The following TRPS1 variants were observed in gnomAD, a reference collection of about 807,000 sequenced individuals.
TRPS1 encodes the protein zinc finger transcription factor Trps1.
In TRPS1, 6 loss-of-function variants were observed where a neutral mutation model predicts 101.2. The observed-to-expected ratio is 0.06, with a 90% CI of 0.03 to 0.12. The LOEUF (loss-of-function observed/expected upper bound fraction) is 0.12, where lower values mean the gene tolerates loss of function less well. TRPS1 is among the 10% of genes least tolerant of loss of function. The pLI is 1.00. For missense variants in TRPS1, 1,363 were observed against 1,567.0 expected (o/e 0.87, Z 2.20); for synonymous variants, 578 against 589.8 (o/e 0.98, Z 0.29).
In TRPS1 at chr8:115,476,785, C is replaced by T. The variant is rs570014864; in HGVS notation, c.2701-58333G>A. 2.6e-5 allele frequency among the ~76,000 whole-genome samples: 4 copies of T among 152,222 alleles called. No homozygotes were observed. The South Asian group carries it at 6.2e-4, about 24-fold the overall frequency. On this transcript the variant is annotated intron_variant, in intron 5 of 6. Transcript: ENST00000395715. ...AGGACCAACATGATCAAGCAAAAGA[C>T]AGAACCATAAAAATATTCAGAGCCA...
intron 5 of TRPS1, among the ~76,000 whole-genome samples, chr8:115,445,598 T>A (rs186410832): frequency 6.6e-6 from 1 of 152,296 alleles, no homozygotes; most frequent in Admixed American, 6.5e-5. Flanking sequence ...GGCAGGAAAC[T>A]ATGACTCTTA....
chr8:115,471,809 C>T (rs897908084), intron 5 of TRPS1, among the ~76,000 whole-genome samples: 6 of 152,164 alleles, frequency 3.9e-5, no homozygotes, highest in African/African-American at 1.4e-4. Context: ...CATGCAAGTC[C>T]GAAATCCACT....
At chr8:115,666,143 T>C (rs757145359) in intron 1 of TRPS1, among the ~76,000 whole-genome samples, 8 of 152,176 alleles carry the variant, frequency 5.3e-5, no homozygotes, top group Non-Finnish European at 1.2e-4. Context: ...TAGCCCTGTA[T>C]ATTGAACTGA....
intron 5 of TRPS1, among the ~76,000 whole-genome samples, chr8:115,474,265 A>G (rs560037578): frequency 6.6e-6 from 1 of 152,116 alleles, no homozygotes; most frequent in African/African-American, 2.4e-5. Context: ...ATATTTACTG[A>G]TAATTGTTCA....
intron 5 of TRPS1, among the ~76,000 whole-genome samples, chr8:115,572,410 AG>A (rs1817225445): frequency 6.6e-6 from 1 of 151,920 alleles, no homozygotes; most frequent in Non-Finnish European, 1.5e-5. Context: ...TTAATTGAGA[AG>A]GGGTCATTTC....
chr8:115,612,588 G>A (rs892778248), intron 3 of TRPS1, among the ~76,000 whole-genome samples: 3 of 152,128 alleles, frequency 2.0e-5, no homozygotes, highest in Non-Finnish European at 2.9e-5. Context: ...ATTCCAAGGT[G>A]GAGCTTCCCA....
At chr8:115,544,829 A>G (rs1816533166) in intron 5 of TRPS1, among the ~76,000 whole-genome samples, 1 of 152,144 alleles carries the variant, frequency 6.6e-6, no homozygotes, top group African/African-American at 2.4e-5. Context: ...AGATTTTACA[A>G]GTAATTGAAC....
chr8:115,655,661 T>C (rs1358459031), intron 1 of TRPS1, among the ~76,000 whole-genome samples: 1 of 152,142 alleles, frequency 6.6e-6, no homozygotes, highest in Non-Finnish European at 1.5e-5. Flanking sequence ...TCAATTATTT[T>C]TACAATGGTG....
chr8:115,433,902 C>G (rs1251469293), intron 5 of TRPS1, among the ~76,000 whole-genome samples: 1 of 152,124 alleles, frequency 6.6e-6, no homozygotes, highest in Non-Finnish European at 1.5e-5. Flanking sequence ...TAATTGTTAC[C>G]TTTCTCCTTT....
intron 5 of TRPS1, among the ~76,000 whole-genome samples, chr8:115,526,033 G>A (rs1483343522): frequency 6.6e-6 from 1 of 152,144 alleles, no homozygotes; most frequent in Admixed American, 6.5e-5. Context: ...GTGGGAAGAA[G>A]GGCAGAACAC....
intron 5 of TRPS1, among the ~76,000 whole-genome samples, chr8:115,495,880 A>G (rs1815137098): frequency 6.6e-6 from 1 of 152,198 alleles, no homozygotes; most frequent in African/African-American, 2.4e-5. Flanking sequence ...TTTTAGTTCA[A>G]TTGAGCAGGG....
intron 5 of TRPS1, among the ~76,000 whole-genome samples, chr8:115,574,871 T>C (rs1373180077): frequency 6.6e-6 from 1 of 152,122 alleles, no homozygotes; most frequent in Non-Finnish European, 1.5e-5. Flanking sequence ...GCTCAAGAAA[T>C]GCACCTTATT....
rs575796619 is a variant in TRPS1 at position 115,568,704 on chromosome 8, T to C, written c.2700+18297A>G. Reference sequence around the variant, plus strand: ...TCAAAATTTCACATAGTTCCACATCTCTAAACTTATATAGAAATTTAATGA... The same window carrying C: ...TCAAAATTTCACATAGTTCCACATCCCTAAACTTATATAGAAATTTAATGA... On this transcript the variant is annotated intron_variant, in intron 5 of 6. Coordinates refer to ENST00000395715, the MANE Select transcript of TRPS1 (RefSeq NM_014112.5). 3.9e-5 allele frequency among the ~76,000 whole-genome samples: 6 copies of C among 152,256 alleles called. No homozygotes were observed. The South Asian group carries it at 1.2e-3, about 32-fold the overall frequency.
chr8:115,567,292 T>C (rs1008407461), intron 5 of TRPS1, among the ~76,000 whole-genome samples: 15 of 152,312 alleles, frequency 9.8e-5, no homozygotes, highest in East Asian at 1.9e-4. Context: ...GACATATTTT[T>C]TCCACATGTT....
intron 1 of TRPS1, among the ~76,000 whole-genome samples, chr8:115,667,222 C>T (rs544504794): frequency 3.3e-5 from 5 of 152,262 alleles, no homozygotes; most frequent in African/African-American, 9.6e-5. Context: ...AGTCCTGGGG[C>T]CATAAAACAG....
At chr8:115,458,842 A>C (rs1411315639) in intron 5 of TRPS1, among the ~76,000 whole-genome samples, 2 of 152,152 alleles carry the variant, frequency 1.3e-5, no homozygotes, top group African/African-American at 4.8e-5. Context: ...AAAACTGAAA[A>C]TATTTGTTGT....
intron 5 of TRPS1, among the ~76,000 whole-genome samples, chr8:115,424,633 T>C (rs1214454059): frequency 6.6e-6 from 1 of 152,224 alleles, no homozygotes; most frequent in Non-Finnish European, 1.5e-5. Flanking sequence ...GTATTGCCCA[T>C]TCATAAATCT....
chr8:115,495,133 G>A (rs1373473487), intron 5 of TRPS1, among the ~76,000 whole-genome samples: 1 of 152,078 alleles, frequency 6.6e-6, no homozygotes, highest in Non-Finnish European at 1.5e-5. Context: ...TAAAAAAATA[G>A]CAGTGTGACA....
At chr8:115,522,357 G>A (rs140905965) in intron 5 of TRPS1, among the ~76,000 whole-genome samples, 2 of 152,050 alleles carry the variant, frequency 1.3e-5, no homozygotes, top group African/African-American at 4.8e-5. Context: ...AGCTCTCTGT[G>A]TTATAATTCA....
Sources: allele counts gnomAD v4.1 joint callset (sites outside exome capture counted in the v4.1 genomes callset), GRCh38; gene constraint gnomAD v4.1.1; transcripts MANE v1.5; gene names NCBI Gene and HGNC (gene_info 2026-07-23, HGNC 2026-07-21).